Variants in LEUTX observed in about 807,000 individuals in gnomAD.
LEUTX encodes leucine twenty homeobox, also known as paired-like homeodomain transcription factor LEUTX.
A neutral mutation model predicts 4.5 loss-of-function variants in LEUTX; 5 were observed. The observed-to-expected ratio is 1.11, with a 90% CI of 0.58 to 2.34. The LOEUF (loss-of-function observed/expected upper bound fraction) is 2.34. LEUTX is among the 30% of genes most tolerant of loss of function. The pLI, the probability that LEUTX is intolerant of heterozygous loss-of-function variation, is 0.01. For synonymous variants in LEUTX, 89 were observed against 85.1 expected, an observed-to-expected ratio of 1.05 and a Z score of -0.25; for missense variants, 233 against 239.4, an observed-to-expected ratio of 0.97 and a Z score of 0.18.
chr19:39,784,495 T>C, intron 1 of LEUTX, 32 bp from the exon 2 acceptor site: 2 of 768,166 alleles, frequency 2.6e-6, no homozygotes, highest in Non-Finnish European at 2.3e-6. Context: ...CGAATTTTTT[T>C]AATGAAAGCC....
intron 1 of LEUTX, among the ~76,000 whole-genome samples, chr19:39,780,718 T>C (rs1051989940): frequency 3.9e-5 from 6 of 152,158 alleles, no homozygotes; most frequent in African/African-American, 1.4e-4. Context: ...CCTAAGGGTT[T>C]CTTTTTAGCT....
At chr19:39,778,405 C>T (rs184239111), upstream of LEUTX, among the ~76,000 whole-genome samples, 3 of 151,856 alleles carry the variant, frequency 2.0e-5, no homozygotes, top group East Asian at 1.9e-4. Context: ...CCGAGATGGG[C>T]GGGTGAAGGG....
At chr19:39,780,224 A>G (rs529647084) in intron 1 of LEUTX, among the ~76,000 whole-genome samples, 1 of 152,178 alleles carries the variant, frequency 6.6e-6, no homozygotes, top group African/African-American at 2.4e-5. Context: ...TTACATATTG[A>G]CCTCTCAGCT....
intron 1 of LEUTX, among the ~76,000 whole-genome samples, chr19:39,779,171 C>A (rs749826873): frequency 6.6e-6 from 1 of 152,114 alleles, no homozygotes; most frequent in South Asian, 2.1e-4. Context: ...AGGCTGGCCT[C>A]GAGCTCCTAG....
chr19:39,781,942 C>T (rs1019166686), intron 1 of LEUTX, among the ~76,000 whole-genome samples: 1 of 152,106 alleles, frequency 6.6e-6, no homozygotes, highest in Non-Finnish European at 1.5e-5. Flanking sequence ...CGGAGGCAAA[C>T]AGTATAAGTG....
chr19:39,785,890 C>T lies in LEUTX; in HGVS notation c.352C>T (p.Pro118Ser), dbSNP rs1179793433. 1 of 1,551,698 alleles carries T rather than the reference C, an allele frequency of 6.4e-7. No homozygotes were observed. The highest frequency in any genetic ancestry group is 1.4e-5 in the African/African-American group (1 of 73,072). Reference protein sequence around the residue: ...SDANDHDLREPSGIKNPGGAS... With the variant: ...SDANDHDLRESSGIKNPGGAS... ...TGCAAATGACCATGATCTACGTGAG[C>T]CTTCTGGTATCAAGAATCCTGGAGG... Residue 118 changes from proline (P) to serine (S), a missense_variant, in exon 3 of 3, where the codon CCT becomes TCT. By Grantham distance (74) the Pro-to-Ser change is moderately conservative (BLOSUM62 -1). Transcript: ENST00000638280.
Position 39,786,247 on chromosome 19 carries a change from T to A in LEUTX, c.*112T>A. 1 of 786,422 alleles carries A rather than the reference T, an allele frequency of 1.3e-6. No individual in the cohort carries two copies. The allele number at this position is 786,422 out of a possible 1,614,324, so 48.7% of individuals were successfully genotyped here. A position where few individuals can be genotyped will look rare whatever the true frequency, so the allele number is the denominator to read the frequency against. ...AAGTAGATCAGGGGCTGGGAATTTATCTTTTTCTGTAGAAAAAACAATAAA... is the reference window on the plus strand; with the variant it reads ...AAGTAGATCAGGGGCTGGGAATTTAACTTTTTCTGTAGAAAAAACAATAAA... On this transcript the variant is annotated 3_prime_UTR_variant, in exon 3 of 3. Transcript: ENST00000638280.
chr19:39,785,603 C>T, intron 2 of LEUTX, 95 bp from the exon 3 acceptor site: 5 of 894,634 alleles, frequency 5.6e-6, no homozygotes, highest in Non-Finnish European at 6.8e-6. Flanking sequence ...ATGTGAGACT[C>T]TCTCTCACAC....
At position 39,784,646 on chromosome 19, in the gene LEUTX, T is replaced by C; in HGVS notation, c.127T>C (p.Ser43Pro). ...PSLATMGKLA[S>P]KLQLDLSVVK... ...TTTGGCTACAATGGGGAAACTGGCT[T>C]CAAAGCTACAACTTGATCTATCCGT... The change falls in exon 2 of 3, where the codon TCA (serine) becomes CCA (proline). Residue 43 changes from serine (S) to proline (P), a missense_variant. By Grantham distance (74) the Ser-to-Pro change is moderately conservative. Transcript: ENST00000638280. 6.4e-7 allele frequency: 1 copy of C among 1,551,692 alleles called. No individual in the cohort carries two copies. Among genetic ancestry groups the C allele is most frequent in the Non-Finnish European group, 8.7e-7 (1 of 1,146,936 alleles).
chr19:39,784,486 G>A lies in LEUTX; in HGVS notation c.8-41G>A, dbSNP rs531941288. On this transcript the variant is annotated intron_variant, in intron 1 of 2. Transcript: ENST00000638280. ...TGTAGTACTCTCCTCATTTCCTTCC[G>A]AATTTTTTTAATGAAAGCCTTTTAT... The A allele has an allele frequency of 8.2e-4, 609 of 739,576 alleles. 5 individuals carry two copies. The highest frequency in any genetic ancestry group is 4.3e-3 in the East Asian group (161 of 37,324). 45.8% of individuals were successfully genotyped at this position (739,576 alleles called of 1,614,324 possible).
At chr19:39,784,732 C>T in intron 2 of LEUTX, 54 bp downstream of exon 2, 2 of 1,281,006 alleles carry the variant, frequency 1.6e-6, no homozygotes, top group Non-Finnish European at 2.2e-6. Context: ...GCTTCACACA[C>T]ACTTTTGATC....
At chr19:39,781,374 A>G (rs1967884499) in intron 1 of LEUTX, among the ~76,000 whole-genome samples, 1 of 152,212 alleles carries the variant, frequency 6.6e-6, no homozygotes, top group African/African-American at 2.4e-5. Flanking sequence ...TTACTAGATG[A>G]TGAGGTCTTA....
At chr19:39,782,983 G>A (rs1375822685) in intron 1 of LEUTX, among the ~76,000 whole-genome samples, 3 of 151,746 alleles carry the variant, frequency 2.0e-5, no homozygotes, top group East Asian at 1.9e-4. Flanking sequence ...CCCACCAACC[G>A]AGCAGCATAC....
At position 39,784,393 on chromosome 19, in the gene LEUTX, T is replaced by C. The variant is rs1967933243; in HGVS notation, c.8-134T>C. On this transcript the variant is annotated intron_variant, in intron 1 of 2. Transcript: ENST00000638280. ...GGTTCCTTCTCATTTGTGTAGGCTC[T>C]GTCAGAGGGACGGTCTAGGGCTCAA... The C allele has an allele frequency of 5.5e-6, 3 of 542,764 alleles. No homozygotes were observed. The East Asian group carries it at 8.7e-5, about 16-fold the overall frequency. The allele number at this position is 542,764 out of a possible 1,614,324, so 33.6% of individuals were successfully genotyped here.
upstream of LEUTX, among the ~76,000 whole-genome samples, chr19:39,778,658 T>C (rs1967835097): frequency 6.9e-6 from 1 of 145,200 alleles, no homozygotes; most frequent in Non-Finnish European, 1.5e-5. Context: ...GAGTCAAGGA[T>C]CAGTCTTTTT....
At chr19:39,784,964 C>T (rs1316268453) in intron 2 of LEUTX, among the ~76,000 whole-genome samples, 2 of 152,158 alleles carry the variant, frequency 1.3e-5, no homozygotes, top group Non-Finnish European at 2.9e-5. Flanking sequence ...GAGGCTGGAT[C>T]TCAGATACTC....
chr19:39,781,726 G>A (rs1967889790), intron 1 of LEUTX, among the ~76,000 whole-genome samples: 1 of 152,186 alleles, frequency 6.6e-6, no homozygotes, highest in South Asian at 2.1e-4. Context: ...AGAAGCAGAT[G>A]CCAGCACTAT....
chr19:39,778,520 G>C (rs1218448365), upstream of LEUTX, among the ~76,000 whole-genome samples: 1 of 152,212 alleles, frequency 6.6e-6, no homozygotes, highest in Non-Finnish European at 1.5e-5. Flanking sequence ...CTTCCAGTTT[G>C]AATCATCTTA....
At position 39,786,141 on chromosome 19, in the gene LEUTX, T is replaced by A; in HGVS notation, c.*6T>A. The A allele has an allele frequency of 6.6e-7, 1 of 1,509,568 alleles. No individual in the cohort carries two copies. Among genetic ancestry groups the A allele is most frequent in the Non-Finnish European group, 8.9e-7 (1 of 1,127,204 alleles). 93.5% of individuals were successfully genotyped at this position (1,509,568 alleles called of 1,614,324 possible). A position where few individuals can be genotyped will look rare whatever the true frequency, so the allele number is the denominator to read the frequency against. On this transcript the variant is annotated 3_prime_UTR_variant, in exon 3 of 3. Coordinates refer to ENST00000638280, the MANE Select transcript of LEUTX (RefSeq NM_001382345.1). ...AGCTCCAATCTTCAGTGTAACTTCT[T>A]ACACATCACTTCTAGGGGAGGTCTG...
Sources: gnomAD v4.1 joint callset for allele counts (sites outside exome capture counted in the v4.1 genomes callset) on GRCh38, gnomAD v4.1.1 for gene constraint, MANE v1.5 for transcripts, NCBI Gene and HGNC (gene_info 2026-07-23, HGNC 2026-07-21) for gene names.